Variants in HOOK3 observed in about 807,000 individuals in gnomAD.
HOOK3 encodes the protein hook microtubule tethering protein 3, also known as protein Hook homolog 3.
In HOOK3, 24 loss-of-function variants were observed where a neutral mutation model predicts 116.3. The ratio of observed to expected loss-of-function variants is 0.21; its 90% CI spans 0.15 to 0.29. The LOEUF is 0.29. Ranked by LOEUF, HOOK3 falls within the 10% of genes least tolerant of loss-of-function variation. The pLI is 1.00. For synonymous variants in HOOK3, 275 were observed against 283.0 expected (o/e 0.97, Z 0.28); for missense variants, 632 against 830.2 (o/e 0.76, Z 2.93).
At chr8:43,010,698 C>T (rs1427609320) in intron 19 of HOOK3, among the ~76,000 whole-genome samples, 4 of 152,170 alleles carry the variant, frequency 2.6e-5, no homozygotes, top group South Asian at 4.1e-4. Context: ...ATAGGACAGC[C>T]GATATCCTGT....
intron 1 of HOOK3, among the ~76,000 whole-genome samples, chr8:42,900,860 T>C (rs200594245): frequency 6.6e-6 from 1 of 152,198 alleles, no homozygotes; most frequent in East Asian, 1.9e-4. Flanking sequence ...GAGAGCTTGC[T>C]AAAACACAGA....
At chr8:42,983,647 C>G (rs913395610) in intron 14 of HOOK3, among the ~76,000 whole-genome samples, 2 of 152,044 alleles carry the variant, frequency 1.3e-5, no homozygotes, top group Non-Finnish European at 2.9e-5. Flanking sequence ...CCACGCCTGG[C>G]TATTTTTTGT....
chr8:42,901,175 A>T (rs1807181230), intron 1 of HOOK3, among the ~76,000 whole-genome samples: 1 of 152,132 alleles, frequency 6.6e-6, no homozygotes, highest in Admixed American at 6.5e-5. Flanking sequence ...ATTCCAGGTG[A>T]TCTCATGCTT....
chr8:42,979,572 TCTGACTACAACATTCTTTTTTCC>T (rs1253365762), intron 13 of HOOK3, among the ~76,000 whole-genome samples: 3 of 152,180 alleles, frequency 2.0e-5, no homozygotes, highest in Non-Finnish European at 2.9e-5. Context: ...TTTCTTTTCC[TCTGACTACAACATTCTTTTTTCC>T]CTGCTCCTCT....
rs1462831929 is a variant in HOOK3, at chr8:43,024,845, G to A, written c.*6347G>A. The stretch of plus-strand genomic sequence containing the variant: ...CCACCCAATCCCTCAAATTACCGAA[G>A]TATTAATATTTAGCTTCCTTTCTAG... On this transcript the variant is annotated 3_prime_UTR_variant, in exon 22 of 22. Coordinates refer to ENST00000307602, the MANE Select transcript of HOOK3 (RefSeq NM_032410.4). 1 of 206,844 alleles carries A rather than the reference G, an allele frequency of 4.8e-6. No homozygotes were observed. The highest frequency in any genetic ancestry group is 9.9e-6 in the Non-Finnish European group (1 of 101,394). 12.8% of individuals were successfully genotyped at this position (206,844 alleles called of 1,614,324 possible).
chr8:42,906,177 A>G lies in HOOK3; in HGVS notation c.62A>G (p.Gln21Arg). The change falls in exon 2 of 22, where the codon CAG becomes CGG. Residue 21 changes from glutamine (Q) to arginine (R), a missense_variant. Around this residue, in one of 3 missense-constraint regions of HOOK3, gnomAD observed 141 missense variants for 150.8 expected, o/e 0.93. Coordinates refer to ENST00000307602, the MANE Select transcript of HOOK3 (RefSeq NM_032410.4). The part of the protein sequence containing the change: ...ELCESLLTWI[Q>R]TFNVDAPCQT... ...CCCCTCTTTTTTTCCCTTCAGATCCAGACATTTAATGTGGATGCACCATGC... is the reference window on the plus strand; with the variant it reads ...CCCCTCTTTTTTTCCCTTCAGATCCGGACATTTAATGTGGATGCACCATGC... The G allele has an allele frequency of 4.1e-6, 4 of 971,760 alleles. No individual in the cohort carries two copies. The highest frequency in any genetic ancestry group is 1.3e-5 in the South Asian group (1 of 78,758). The allele number at this position is 971,760 out of a possible 1,614,324, so 60.2% of individuals were successfully genotyped here. A position where few individuals can be genotyped will look rare whatever the true frequency, so the allele number is the denominator to read the frequency against.
rs747612734 is a variant in HOOK3, at chr8:43,013,128, A to G, written c.1917A>G (p.Glu639=). ...EIQALKNQLQ[E]RDRLFHSLEK... is the part of the protein sequence containing the mutation. ...AAGCTCTTAAAAATCAGCTCCAGGA[A>G]CGAGACCGACTGTTCCACTCATTAG... Residue 639 remains glutamate (E), a synonymous_variant, in exon 20 of 22, where the codon GAA becomes GAG. Coordinates refer to ENST00000307602, the MANE Select transcript of HOOK3 (RefSeq NM_032410.4). 1 of 1,611,670 alleles carries G rather than the reference A, an allele frequency of 6.2e-7. No individual in the cohort carries two copies. Among genetic ancestry groups the G allele is most frequent in the Admixed American group, 1.7e-5 (1 of 60,010 alleles).
chr8:42,962,381 C>T (rs1033500901), intron 8 of HOOK3, among the ~76,000 whole-genome samples: 67 of 147,310 alleles, frequency 4.5e-4, no homozygotes, highest in Non-Finnish European at 6.5e-4. Flanking sequence ...GGATTAAAGG[C>T]GTGACCCACT....
At chr8:42,920,369 G>A (rs1807633299) in intron 2 of HOOK3, among the ~76,000 whole-genome samples, 5 of 152,190 alleles carry the variant, frequency 3.3e-5, no homozygotes, top group Admixed American at 2.0e-4. Context: ...AAATGCCTGC[G>A]TATATGGCTT....
chr8:42,988,277 C>T (rs961609503), intron 15 of HOOK3, among the ~76,000 whole-genome samples: 3 of 152,170 alleles, frequency 2.0e-5, no homozygotes, highest in African/African-American at 7.2e-5. Context: ...TGGGCAGTCC[C>T]TCTGGTGCAA....
chr8:42,918,848 G>C (rs1467348288), intron 2 of HOOK3, among the ~76,000 whole-genome samples: 1 of 152,210 alleles, frequency 6.6e-6, no homozygotes, highest in Non-Finnish European at 1.5e-5. Flanking sequence ...GTAACAATCT[G>C]ATCTCTCTTT....
At chr8:42,997,222 T>C (rs1351937702) in intron 15 of HOOK3, among the ~76,000 whole-genome samples, 1 of 152,208 alleles carries the variant, frequency 6.6e-6, no homozygotes, top group African/African-American at 2.4e-5. Context: ...CTTTTAATAC[T>C]AGTGCTGAGC....
Position 42,968,025 on chromosome 8 carries a change from T to G in HOOK3, c.933T>G (p.Asp311Glu). 6.4e-7 allele frequency: 1 copy of G among 1,550,394 alleles called. No individual in the cohort carries two copies. Among genetic ancestry groups the G allele is most frequent in the African/African-American group, 1.4e-5 (1 of 73,512 alleles). ...CATCTAATTCTAGACATTCTTCTGATAAAGTATCTAAACTAGAAGGTCAAG... is the reference window on the plus strand; with the variant it reads ...CATCTAATTCTAGACATTCTTCTGAGAAAGTATCTAAACTAGAAGGTCAAG... ...DEIDVLRHSS[D>E]KVSKLEGQVE... Residue 311 changes from aspartate to glutamate, a missense_variant, in exon 11 of 22, where the codon GAT becomes GAG. Physicochemically the swap from Asp to Glu is conservative, Grantham distance 45. Transcript: ENST00000307602.
chr8:42,981,425 C>T (rs1808941266), intron 13 of HOOK3, among the ~76,000 whole-genome samples: 1 of 152,096 alleles, frequency 6.6e-6, no homozygotes, highest in Non-Finnish European at 1.5e-5. Flanking sequence ...GACTAGGACA[C>T]CTTTCTTGTG....
chr8:42,954,118 A>G (rs905997089), intron 6 of HOOK3, among the ~76,000 whole-genome samples: 9 of 152,230 alleles, frequency 5.9e-5, no homozygotes, highest in African/African-American at 2.2e-4. Flanking sequence ...GAAAGCTCAT[A>G]TTAGGTTTAA....
rs933125579 is a variant in HOOK3 at position 42,935,142 on chromosome 8, A to G, written c.267+4970A>G. Among the ~76,000 whole-genome samples, 4 of 152,244 alleles carry G rather than the reference A, an allele frequency of 2.6e-5. No individual in the cohort carries two copies. In the East Asian group the frequency reaches 5.8e-4, roughly 22 times the overall value. On this transcript the variant is annotated intron_variant, in intron 4 of 21. Coordinates refer to ENST00000307602, the MANE Select transcript of HOOK3 (RefSeq NM_032410.4). ...TTGATTTGCATTTCTCTAATGACCA[A>G]TGATGGTGAGCTTTTTTTCATATGT...
At chr8:42,905,857 G>A (rs948709268) in intron 1 of HOOK3, among the ~76,000 whole-genome samples, 1 of 151,442 alleles carries the variant, frequency 6.6e-6, no homozygotes, top group African/African-American at 2.4e-5. Context: ...AGGCCGAGGC[G>A]GGCAGATCAC....
chr8:42,984,030 C>CATA (rs1302795709), intron 14 of HOOK3, among the ~76,000 whole-genome samples: 1 of 151,996 alleles, frequency 6.6e-6, no homozygotes, highest in Admixed American at 6.6e-5. Context: ...ATATTTTTTG[C>CATA]ATAAATGGAA....
At chr8:42,980,230 G>A (rs1489933098) in intron 13 of HOOK3, among the ~76,000 whole-genome samples, 9 of 151,808 alleles carry the variant, frequency 5.9e-5, no homozygotes, top group Non-Finnish European at 1.2e-4. Context: ...TGGGATTACA[G>A]GTGTGAGCCA....
Sources: allele counts gnomAD v4.1 joint callset (sites outside exome capture counted in the v4.1 genomes callset), GRCh38; gene constraint gnomAD v4.1.1; regional missense constraint gnomAD v4.1.1; transcripts MANE v1.5; gene names NCBI Gene and HGNC (gene_info 2026-07-23, HGNC 2026-07-21).